Variants in DIAPH2 observed in about 807,000 individuals in gnomAD.
The protein encoded by DIAPH2 is protein diaphanous homolog 2.
In DIAPH2, 35 loss-of-function variants were observed where a neutral mutation model predicts 92.7. That is an observed-to-expected ratio of 0.38 (90% CI 0.29 to 0.50). The LOEUF (loss-of-function observed/expected upper bound fraction) is 0.50, where lower values mean the gene tolerates loss of function less well. DIAPH2 is among the 20% of genes least tolerant of loss of function. The pLI, the probability that DIAPH2 is intolerant of heterozygous loss-of-function variation, is 0.94. For missense variants in DIAPH2, 701 were observed against 819.5 expected (o/e 0.86, Z 1.77); for synonymous variants, 301 against 280.4 (o/e 1.07, Z -0.73).
intron 23 of DIAPH2, among the ~76,000 whole-genome samples, chrX:97,314,072 G>T (rs1228917828): frequency 9.1e-6 from 1 of 110,345 alleles, no homozygotes; most frequent in African/African-American, 3.3e-5. Context: ...CCATAAACGT[G>T]AAAGTAAAAC....
chrX:97,061,813 C>T (rs1209191040), intron 17 of DIAPH2, among the ~76,000 whole-genome samples: 1 of 38,734 alleles, frequency 2.6e-5, no homozygotes, highest in African/African-American at 1.0e-4. Context: ...GACTCCGTCT[C>T]AAAAAAAAAA....
At chrX:97,558,837 T>G (rs1344828070) in intron 26 of DIAPH2, among the ~76,000 whole-genome samples, 1 of 111,985 alleles carries the variant, frequency 8.9e-6, no homozygotes, top group East Asian at 2.8e-4. Context: ...CTACAGCACC[T>G]GTGTTATATT....
chrX:97,028,654 A>G (rs958841668), intron 17 of DIAPH2, among the ~76,000 whole-genome samples: 2 of 111,842 alleles, frequency 1.8e-5, no homozygotes, highest in Non-Finnish European at 3.8e-5. Context: ...TTTATGGCTG[A>G]GTAGTATTCG....
At position 96,912,416 on chromosome X, in the gene DIAPH2, C is replaced by T; in HGVS notation, c.662+14C>T. 8.3e-7 allele frequency: 1 copy of T among 1,200,392 alleles called. No homozygotes were observed. The highest frequency in any genetic ancestry group is 1.1e-6 in the Non-Finnish European group (1 of 889,131). On this transcript the variant is annotated intron_variant, in intron 6 of 26. Transcript: ENST00000324765. ...GGACAAAAAACAGTAAGAATAAACA[C>T]TGAAATTAAAATCACCAAAGGGAAA... is the stretch of plus-strand genomic sequence containing the variant.
chrX:97,009,670 C>G (rs1470065403), intron 17 of DIAPH2, among the ~76,000 whole-genome samples: 1 of 112,151 alleles, frequency 8.9e-6, no homozygotes, highest in Non-Finnish European at 1.9e-5. Flanking sequence ...AGGAGTCTGT[C>G]TTTCCCTTCA....
At chrX:97,168,881 T>C (rs978560309) in intron 22 of DIAPH2, among the ~76,000 whole-genome samples, 2 of 112,016 alleles carry the variant, frequency 1.8e-5, no homozygotes, top group African/African-American at 6.5e-5. Context: ...TGTCTTTTTA[T>C]AAAAGGCTTG....
At chrX:97,327,716 A>T (rs1288953157) in intron 23 of DIAPH2, among the ~76,000 whole-genome samples, 1 of 111,731 alleles carries the variant, frequency 9.0e-6, no homozygotes, top group Non-Finnish European at 1.9e-5. Flanking sequence ...CTGGGAGTAC[A>T]GGCGCAAGCC....
intron 21 of DIAPH2, among the ~76,000 whole-genome samples, chrX:97,141,385 C>T (rs749569489): frequency 1.2e-4 from 13 of 111,284 alleles, no homozygotes; most frequent in African/African-American, 4.2e-4. Context: ...AATGGATGTT[C>T]TTCTCTCATG....
At position 97,574,630 on chromosome X, in the gene DIAPH2, A is replaced by G. The variant is rs1023079822; in HGVS notation, c.3242-24623A>G. ...AGAAGCATGATCCAAGAAAGGGAAC[A>G]GCATTTATGGAGGCAATAGGAGAAC... On this transcript the variant is annotated intron_variant, in intron 26 of 26. Transcript: ENST00000324765. Among the ~76,000 whole-genome samples, 6 of 111,864 alleles carry G rather than the reference A, an allele frequency of 5.4e-5. No homozygotes were observed. In the Admixed American group the frequency reaches 5.7e-4, roughly 11 times the overall value.
intron 4 of DIAPH2, among the ~76,000 whole-genome samples, chrX:96,864,276 A>G (rs1406495076): frequency 1.0e-5 from 1 of 100,277 alleles, no homozygotes; most frequent in Non-Finnish European, 2.0e-5. Context: ...AAAATAAGTC[A>G]TACTTTTTGA....
At chrX:97,475,292 A>G (rs2070595042) in intron 26 of DIAPH2, among the ~76,000 whole-genome samples, 1 of 112,346 alleles carries the variant, frequency 8.9e-6, no homozygotes, top group African/African-American at 3.2e-5. Context: ...GCTTTGGCTC[A>G]ATTAATTCAT....
At position 97,214,597 on chromosome X, in the gene DIAPH2, C is replaced by T. The variant is rs758077432; in HGVS notation, c.2720-33118C>T. 2.3e-3 allele frequency among the ~76,000 whole-genome samples: 252 copies of T among 110,255 alleles called. 3 individuals carry two copies. Among genetic ancestry groups the T allele is most frequent in the Middle Eastern group, 9.5e-3 (2 of 211 alleles). On this transcript the variant is annotated intron_variant, in intron 22 of 26. Coordinates refer to ENST00000324765, the MANE Select transcript of DIAPH2 (RefSeq NM_006729.5). ...CTGTAATCCCAGCACTTTTGGAGGC[C>T]GAAGTGGGTGGATCACCTGAGGTCG...
intron 17 of DIAPH2, among the ~76,000 whole-genome samples, chrX:96,970,278 A>G (rs1326513572): frequency 1.8e-5 from 2 of 111,845 alleles, no homozygotes; most frequent in Non-Finnish European, 3.8e-5. Flanking sequence ...AAACAGTTTC[A>G]GTAGAATTGG....
intron 17 of DIAPH2, among the ~76,000 whole-genome samples, chrX:97,048,749 A>G (rs778033211): frequency 1.8e-5 from 2 of 111,045 alleles, no homozygotes; most frequent in East Asian, 5.6e-4. Flanking sequence ...TATTATTTTT[A>G]CTTATTGATA....
chrX:96,953,084 A>G (rs1319623806), intron 15 of DIAPH2, among the ~76,000 whole-genome samples: 1 of 111,399 alleles, frequency 9.0e-6, no homozygotes, highest in African/African-American at 3.3e-5. Context: ...TTGCCACTGT[A>G]CTCCAGCCTG....
chrX:97,534,212 T>C (rs2071080568), intron 26 of DIAPH2, among the ~76,000 whole-genome samples: 1 of 111,689 alleles, frequency 9.0e-6, no homozygotes, highest in Non-Finnish European at 1.9e-5. Flanking sequence ...TGCTTTTCCA[T>C]CTCTTTAACA....
chrX:96,886,390 CAA>C, intron 5 of DIAPH2, among the ~76,000 whole-genome samples: 1 of 105,373 alleles, frequency 9.5e-6, no homozygotes. Context: ...AAAACTGCAA[CAA>C]AAAAAAAATC....
rs151187413 is a variant in DIAPH2, at chrX:96,785,267, C to G, written c.447+27009C>G. Among the ~76,000 whole-genome samples, 806 of 110,761 alleles carry G rather than the reference C, an allele frequency of 7.3e-3. 6 individuals are homozygous for G. Among genetic ancestry groups the G allele is most frequent in the African/African-American group, 0.026 (779 of 30,457 alleles). On this transcript the variant is annotated intron_variant, in intron 4 of 26. Transcript: ENST00000324765. ...TGAGTCCTTGTTTTTGTTTGTGGTT[C>G]TATCACAGAATACCTGAGGCTGGGT... is the stretch of plus-strand genomic sequence containing the variant.
chrX:96,937,125 A>G lies in DIAPH2; in HGVS notation c.1090-108A>G, dbSNP rs2065662962. 1.6e-5 allele frequency: 6 copies of G among 369,359 alleles called. No homozygotes were observed. In the East Asian group the frequency reaches 2.8e-4, roughly 17 times the overall value. 30.4% of individuals were successfully genotyped at this position (369,359 alleles called of 1,213,427 possible). ...AACCAAGTGCCCGCATAAATATTTG[A>G]AATTGCTTCTGTGTTTATAAATGAA... On this transcript the variant is annotated intron_variant, in intron 10 of 26. Coordinates refer to ENST00000324765, the MANE Select transcript of DIAPH2 (RefSeq NM_006729.5).
Sources: allele counts gnomAD v4.1 joint callset (sites outside exome capture counted in the v4.1 genomes callset), GRCh38; gene constraint gnomAD v4.1.1; transcripts MANE v1.5; gene names NCBI Gene and HGNC (gene_info 2026-07-23, HGNC 2026-07-21).